The following SYNE2 variants were observed in gnomAD, a reference collection of about 807,000 sequenced individuals.
SYNE2 encodes the protein nesprin-2.
SYNE2 carries 431 observed loss-of-function variants against 856.3 expected under a neutral mutation model. That is an observed-to-expected ratio of 0.50 (90% confidence interval 0.47 to 0.55). SYNE2 has a LOEUF of 0.55. SYNE2 is among the 20% of genes least tolerant of loss of function. The pLI is 0.00. For missense variants in SYNE2, 8,129 were observed against 8,023.2 expected (o/e 1.01, Z -0.50); for synonymous variants, 2,923 against 2,872.3 (o/e 1.02, Z -0.56).
At chr14:63,766,576 A>G (rs1192662503) in intron 1 of SYNE2, among the ~76,000 whole-genome samples, 1 of 152,192 alleles carries the variant, frequency 6.6e-6, no homozygotes, top group Non-Finnish European at 1.5e-5. Context: ...GAGCTGTGCA[A>G]TGTGACAAGA....
Position 64,104,040 on chromosome 14 carries a change from C to G in SYNE2, c.12492+1998C>G, listed in dbSNP as rs148966088. Among the ~76,000 whole-genome samples the G allele has an allele frequency of 3.8e-4, 58 of 152,344 alleles. 1 individual carries two copies. The South Asian group carries it at 8.7e-3, about 23-fold the overall frequency. On this transcript the variant is annotated intron_variant, in intron 64 of 115. Transcript: ENST00000555002. ...AAGCTTATCGTTTATATCCTATACTCAGCTCAGTATGGTACTTTAATGAAC... is the reference window on the plus strand; with the variant it reads ...AAGCTTATCGTTTATATCCTATACTGAGCTCAGTATGGTACTTTAATGAAC...
At chr14:64,129,584 C>G (rs2097990907) in intron 74 of SYNE2, among the ~76,000 whole-genome samples, 198 bp from the exon 75 acceptor site, 2 of 152,118 alleles carry the variant, frequency 1.3e-5, no homozygotes, top group Non-Finnish European at 2.9e-5. Flanking sequence ...GCATGTCTAC[C>G]CCTACTGGTA....
At chr14:64,103,353 CTTTT>C (rs61101192) in intron 64 of SYNE2, among the ~76,000 whole-genome samples, 2 of 138,962 alleles carry the variant, frequency 1.4e-5, no homozygotes, top group Non-Finnish European at 1.6e-5. Context: ...TCTCCATAAT[CTTTT>C]TTTTTTTTTT....
chr14:64,210,265 A>C, intron 103 of SYNE2, 141 bp downstream of exon 103: 4 of 1,101,136 alleles, frequency 3.6e-6, no homozygotes, highest in Non-Finnish European at 5.1e-6. Flanking sequence ...CTCCAACACA[A>C]AGAAGCCCAA....
intron 6 of SYNE2, among the ~76,000 whole-genome samples, chr14:63,947,247 A>G (rs1368184044): frequency 6.6e-6 from 1 of 152,156 alleles, no homozygotes; most frequent in Admixed American, 6.5e-5. Context: ...CAGTGATGGA[A>G]CTGTTCCATA....
chr14:63,843,602 T>C (rs1325498336), intron 1 of SYNE2, among the ~76,000 whole-genome samples: 1 of 152,190 alleles, frequency 6.6e-6, no homozygotes, highest in African/African-American at 2.4e-5. Flanking sequence ...GACTAAGTGA[T>C]TAAGGTGCTG....
rs112926329 is a variant in SYNE2 at position 63,895,109 on chromosome 14, CTTT to C, written c.-51-13977_-51-13975del. Among the ~76,000 whole-genome samples the C allele has an allele frequency of 1.9e-3, 265 of 142,178 alleles. 1 individual carries two copies. The highest frequency in any genetic ancestry group is 4.9e-3 in the African/African-American group (190 of 38,840). 93.3% of individuals were successfully genotyped at this position (142,178 alleles called of 152,430 possible). A position where few individuals can be genotyped will look rare whatever the true frequency, so the allele number is the denominator to read the frequency against. Reference sequence around the variant, plus strand: ...AGCACATAAATTTCCATTTTCTTTTCTTTTTTTTTTTTTTGAGATGAAGTCTCT... The same window carrying C: ...AGCACATAAATTTCCATTTTCTTTTCTTTTTTTTTTTGAGATGAAGTCTCT... On this transcript the variant is annotated intron_variant, in intron 1 of 115. Coordinates refer to ENST00000555002, the MANE Select transcript of SYNE2 (RefSeq NM_182914.3).
At chr14:63,942,592 T>C (rs1406794327) in intron 6 of SYNE2, among the ~76,000 whole-genome samples, 1 of 152,082 alleles carries the variant, frequency 6.6e-6, no homozygotes, top group Admixed American at 6.6e-5. Context: ...ACCTCCCAGG[T>C]TCGAGTGATT....
At chr14:63,971,546 T>C (rs2781430) in intron 11 of SYNE2, among the ~76,000 whole-genome samples, 80,053 of 151,674 alleles carry the variant, frequency 0.53, 22,455 homozygotes, top group African/African-American at 0.73. Context: ...ACACATGTAA[T>C]GTATGTCTTA....
chr14:64,190,563 GTC>G, intron 99 of SYNE2: 1 of 699,170 alleles, frequency 1.4e-6, no homozygotes, highest in Non-Finnish European at 2.6e-6. Context: ...GCATTTGTGT[GTC>G]CCCACAGTGG....
intron 64 of SYNE2, 65 bp from the exon 65 acceptor site, chr14:64,107,426 G>A: frequency 7.2e-7 from 1 of 1,393,390 alleles, no homozygotes; most frequent in Non-Finnish European, 1.0e-6. Context: ...AGCATGCGCA[G>A]AAAGAAGAAT....
At position 64,107,490 on chromosome 14, in the gene SYNE2, G is replaced by A. The variant is rs770640393; in HGVS notation, c.12493-1G>A. ...TGGAGCTCTGATTCTTTTCTTTACA[G>A]GAAGCATATGGGAAAATAAGCACCT... is the stretch of plus-strand genomic sequence containing the variant. On this transcript the variant is annotated splice_acceptor_variant, in intron 64 of 115. Coordinates refer to ENST00000555002, the MANE Select transcript of SYNE2 (RefSeq NM_182914.3). LOFTEE classifies it high-confidence loss of function. 1 of 1,613,206 alleles carries A rather than the reference G, an allele frequency of 6.2e-7. No homozygotes were observed.
intron 113 of SYNE2, among the ~76,000 whole-genome samples, chr14:64,224,068 GGCACAGTGGCTAAT>G (rs2098706901): frequency 6.6e-6 from 1 of 151,828 alleles, no homozygotes; most frequent in South Asian, 2.1e-4. Flanking sequence ...TTTAAGGCTG[GGCACAGTGGCTAAT>G]GCCTATAATC....
chr14:63,879,423 G>C (rs980554110), intron 1 of SYNE2, among the ~76,000 whole-genome samples: 1 of 152,164 alleles, frequency 6.6e-6, no homozygotes, highest in African/African-American at 2.4e-5. Flanking sequence ...TGAATCCTTG[G>C]GAGAAGCAGT....
chr14:64,220,316 C>G (rs571486975), intron 110 of SYNE2, 121 bp from the exon 111 acceptor site: 4 of 1,129,780 alleles, frequency 3.5e-6, no homozygotes, highest in East Asian at 2.5e-5. Context: ...CGAGGTCACT[C>G]TCATTTCTGT....
chr14:64,090,711 A>G (rs552933308), intron 59 of SYNE2, among the ~76,000 whole-genome samples, 155 bp from the exon 60 acceptor site: 65 of 152,368 alleles, frequency 4.3e-4, no homozygotes, highest in Non-Finnish European at 7.6e-4. Context: ...CTCCCGGATC[A>G]TGAGTGATAT....
chr14:64,166,998 T>C (rs1031871533), intron 90 of SYNE2: 1 of 567,372 alleles, frequency 1.8e-6, no homozygotes, highest in Non-Finnish European at 3.1e-6. Flanking sequence ...GATAACTTTC[T>C]ATTTCCTGGG....
At chr14:64,016,386 A>T in intron 32 of SYNE2, 87 bp from the exon 33 acceptor site, 1 of 885,582 alleles carries the variant, frequency 1.1e-6, no homozygotes, top group Non-Finnish European at 1.7e-6. Context: ...TATTGTTTTT[A>T]AGCTCAATAT....
chr14:63,861,429 C>T (rs1371431714), intron 1 of SYNE2, among the ~76,000 whole-genome samples: 1 of 151,964 alleles, frequency 6.6e-6, no homozygotes, highest in African/African-American at 2.4e-5. Context: ...AGGCATGAGC[C>T]ACCGTGCCTG....
Sources: gnomAD v4.1 joint callset for allele counts (sites outside exome capture counted in the v4.1 genomes callset) on GRCh38, gnomAD v4.1.1 for gene constraint, MANE v1.5 for transcripts, NCBI Gene and HGNC (gene_info 2026-07-23, HGNC 2026-07-21) for gene names.